The following MSI1 variants were observed in gnomAD, a reference collection of about 807,000 sequenced individuals.
MSI1 encodes musashi RNA binding protein 1.
In MSI1, 15 loss-of-function variants were observed where a neutral mutation model predicts 54.4. The observed-to-expected ratio is 0.28, with a 90% CI of 0.18 to 0.42. The LOEUF (loss-of-function observed/expected upper bound fraction) is 0.42, where lower values mean the gene tolerates loss of function less well. MSI1 is among the 20% of genes least tolerant of loss of function. The pLI is 1.00. For missense variants in MSI1, 304 were observed against 506.0 expected (o/e 0.60, Z 3.83); for synonymous variants, 200 against 196.5 (o/e 1.02, Z -0.15).
At position 120,368,145 on chromosome 12, in the gene MSI1, G is replaced by GT; in HGVS notation, c.182+46dup. The GT allele has an allele frequency of 1.3e-6, 2 of 1,587,982 alleles. No homozygotes were observed. The highest frequency in any genetic ancestry group is 8.6e-7 in the Non-Finnish European group (1 of 1,167,022). Reference sequence around the variant, plus strand: ...ATGGTTACAAGGCAGTGAGTGGCGGGTGGAGGGGGGCGAGCCGGGAGCAGG... The same window carrying GT: ...ATGGTTACAAGGCAGTGAGTGGCGGGTTGGAGGGGGGCGAGCCGGGAGCAGG... On this transcript the variant is annotated intron_variant, in intron 3 of 14. Coordinates refer to ENST00000257552, the MANE Select transcript of MSI1 (RefSeq NM_002442.4). The surrounding 1 kb of genome is among the most constrained non-coding windows in gnomAD (Gnocchi z 6.6).
At chr12:120,351,253 G>A in intron 11 of MSI1, 91 bp downstream of exon 11, 1 of 1,236,592 alleles carries the variant, frequency 8.1e-7, no homozygotes, top group Non-Finnish European at 1.2e-6. Context: ...CAGGAGAAAA[G>A]GATCCCGCTA....
At position 120,363,106 on chromosome 12, in the gene MSI1, C is replaced by A. The variant is rs147631271; in HGVS notation, c.339G>T (p.Val113=). The A allele has an allele frequency of 8.8e-5, 142 of 1,614,142 alleles. No homozygotes were observed. The highest frequency in any genetic ancestry group is 6.9e-4 in the South Asian group (63 of 91,066). Residue 113 remains valine, a synonymous_variant, in exon 6 of 15, where the codon GTG becomes GTT. Transcript: ENST00000257552. ...KMVTRTKKIF[V]GGLSVNTTVE... ...CCGTGGTGTTCACCGACAGCCCCCCCACAAAGATCTTCTTCGTTCGAGTCA... is the reference window on the plus strand; with the variant it reads ...CCGTGGTGTTCACCGACAGCCCCCCAACAAAGATCTTCTTCGTTCGAGTCA...
At chr12:120,364,391 G>C (rs953534343) in intron 5 of MSI1, among the ~76,000 whole-genome samples, 2 of 152,026 alleles carry the variant, frequency 1.3e-5, no homozygotes, top group Non-Finnish European at 2.9e-5. Context: ...TCAAGGCTGT[G>C]GTCTATGATG....
chr12:120,362,591 C>T (rs1044206698), intron 6 of MSI1, among the ~76,000 whole-genome samples: 4 of 152,156 alleles, frequency 2.6e-5, no homozygotes, highest in African/African-American at 9.7e-5. Flanking sequence ...AAGCTCCCCA[C>T]CTGTGCAAAT....
At chr12:120,354,693 A>AGG (rs1874930467) in intron 9 of MSI1, among the ~76,000 whole-genome samples, 2 of 152,214 alleles carry the variant, frequency 1.3e-5, no homozygotes, top group African/African-American at 2.4e-5. Context: ...AGCCTCCCAA[A>AGG]GTGCTGGGAT....
intron 14 of MSI1, among the ~76,000 whole-genome samples, chr12:120,344,293 G>A (rs981654048): frequency 3.3e-5 from 5 of 152,216 alleles, no homozygotes; most frequent in African/African-American, 1.2e-4. Flanking sequence ...TTGGGTCCAA[G>A]GGCATGAATG....
chr12:120,345,246 C>T (rs563275527), intron 14 of MSI1, among the ~76,000 whole-genome samples: 6 of 151,968 alleles, frequency 3.9e-5, no homozygotes, highest in Non-Finnish European at 7.4e-5. Context: ...CCCAGCTACT[C>T]GGGAGGAGTC....
chr12:120,363,201 T>A (rs996481559), intron 5 of MSI1, 66 bp from the exon 6 acceptor site: 1 of 1,385,674 alleles, frequency 7.2e-7, no homozygotes, highest in Non-Finnish European at 1.0e-6. Context: ...CAGCAGGGGC[T>A]CGAGCCCCCC....
In MSI1 at chr12:120,355,453, A is replaced by G. The variant is rs184332875; in HGVS notation, c.652+1449T>C. Among the ~76,000 whole-genome samples, 11 of 152,208 alleles carry G rather than the reference A, an allele frequency of 7.2e-5. No homozygotes were observed. The East Asian group carries it at 2.1e-3, about 29-fold the overall frequency. ...AAAATATTGTATCAATTATAAACTT[A>G]GGAAGTTGATAACTAAACTGTGGTT... On this transcript the variant is annotated intron_variant, in intron 9 of 14. Transcript: ENST00000257552.
chr12:120,368,833 C>T lies in MSI1; in HGVS notation c.100G>A (p.Glu34Lys). The T allele has an allele frequency of 6.9e-7, 1 of 1,448,786 alleles. No individual in the cohort carries two copies. The highest frequency in any genetic ancestry group is 9.2e-7 in the Non-Finnish European group (1 of 1,088,676). The allele number at this position is 1,448,786 out of a possible 1,614,324, so 89.7% of individuals were successfully genotyped here. A position where few individuals can be genotyped will look rare whatever the true frequency, so the allele number is the denominator to read the frequency against. The change falls in exon 2 of 15, where the codon GAA becomes AAA. Residue 34 changes from glutamate to lysine, a missense_variant and splice_region_variant. Around this residue, in one of 4 missense-constraint regions of MSI1, gnomAD observed 105 missense variants for 230.1 expected, o/e 0.46. Transcript: ENST00000257552. This position sits in a 1 kb window ranked among gnomAD's most constrained non-coding sequence, Gnocchi z 6.6. The stretch of plus-strand genomic sequence containing the variant: ...GGCGGGCGCTCCCGGGCTCGCTCAC[C>T]CTGCGTAGTCTGCCAACTGAGTCCC... ...IGGLSWQTTQEGLREYFGQFG... is the reference protein window; with the variant it reads ...IGGLSWQTTQKGLREYFGQFG...
At chr12:120,367,083 A>G (rs1180408269) in intron 4 of MSI1, among the ~76,000 whole-genome samples, 1 of 152,164 alleles carries the variant, frequency 6.6e-6, no homozygotes, top group Non-Finnish European at 1.5e-5. Context: ...CACTGGGCAG[A>G]GATAACAGGA....
chr12:120,364,029 A>G (rs568534702), intron 5 of MSI1, among the ~76,000 whole-genome samples: 1 of 152,288 alleles, frequency 6.6e-6, no homozygotes, highest in South Asian at 2.1e-4. Context: ...TCTATATTCA[A>G]TTGCTTCAAA....
At chr12:120,347,384 C>G in intron 12 of MSI1, 62 bp downstream of exon 12, 1 of 1,598,952 alleles carries the variant, frequency 6.3e-7, no homozygotes, top group Non-Finnish European at 8.6e-7. Context: ...TTCTCCCCTC[C>G]CCTGGACTTC....
At chr12:120,363,716 C>T (rs937684749) in intron 5 of MSI1, among the ~76,000 whole-genome samples, 2 of 152,220 alleles carry the variant, frequency 1.3e-5, no homozygotes, top group African/African-American at 4.8e-5. Context: ...CAGTTCCAAC[C>T]ATGTGCTCCC....
chr12:120,355,603 T>C (rs1186621168), intron 9 of MSI1, among the ~76,000 whole-genome samples: 1 of 152,138 alleles, frequency 6.6e-6, no homozygotes, highest in East Asian at 1.9e-4. Flanking sequence ...TGTACATACA[T>C]ATTTGCAAAC....
At position 120,356,912 on chromosome 12, in the gene MSI1, G is replaced by A. The variant is rs566082242; in HGVS notation, c.642C>T (p.Ile214=). 1.7e-5 allele frequency: 28 copies of A among 1,613,892 alleles called. No homozygotes were observed. The highest frequency in any genetic ancestry group is 1.2e-4 in the African/African-American group (9 of 75,070). The change falls in exon 9 of 15, where the codon ATC becomes ATT. Residue 214 remains isoleucine, a synonymous_variant. Coordinates refer to ENST00000257552, the MANE Select transcript of MSI1 (RefSeq NM_002442.4). The part of the protein sequence containing the change: ...PYGMDAFMLG[I]GMLGYPGFQA... Reference sequence around the variant, plus strand: ...CAGGCTCGCGCATACCCAGCATGCCGATGCCCAGCATGAAGGCGTCCATTC... The same window carrying A: ...CAGGCTCGCGCATACCCAGCATGCCAATGCCCAGCATGAAGGCGTCCATTC...
chr12:120,351,530 G>A (rs1054366541), intron 10 of MSI1, 130 bp from the exon 11 acceptor site: 60 of 739,682 alleles, frequency 8.1e-5, no homozygotes, highest in Non-Finnish European at 1.2e-4. Context: ...AAGAGCTGGG[G>A]AGGGGGAGAG....
Position 120,368,351 on chromosome 12 carries a change from C to T in MSI1, c.101-78G>A. ...CCCCCCGTCCTTTGCCCCCGGTGAC[C>T]CCGGAGCGGCCCGGCCGCCCCCGCG... On this transcript the variant is annotated intron_variant, in intron 2 of 14. Transcript: ENST00000257552. This position sits in a 1 kb window ranked among gnomAD's most constrained non-coding sequence, Gnocchi z 6.6. The T allele has an allele frequency of 6.9e-7, 1 of 1,446,202 alleles. No individual in the cohort carries two copies. Among genetic ancestry groups the T allele is most frequent in the Non-Finnish European group, 9.3e-7 (1 of 1,075,128 alleles). 89.6% of individuals were successfully genotyped at this position (1,446,202 alleles called of 1,614,324 possible). A position where few individuals can be genotyped will look rare whatever the true frequency, so the allele number is the denominator to read the frequency against.
At chr12:120,360,823 C>A (rs1592944493) in intron 6 of MSI1, among the ~76,000 whole-genome samples, 2 of 75,074 alleles carry the variant, frequency 2.7e-5, no homozygotes, top group East Asian at 5.5e-4. Flanking sequence ...ATGAAAGACA[C>A]CTTTTTTTTT....
Sources: gnomAD v4.1 joint callset for allele counts (sites outside exome capture counted in the v4.1 genomes callset) on GRCh38, gnomAD v4.1.1 for gene constraint, gnomAD v4.1.1 regional missense constraint, Gnocchi (gnomAD v3.1) non-coding constraint, MANE v1.5 for transcripts, NCBI Gene and HGNC (gene_info 2026-07-23, HGNC 2026-07-21) for gene names.